SYT12: variants seen among roughly 807,000 people sequenced by gnomAD.
SYT12 encodes synaptotagmin-12.
SYT12 carries 27 observed loss-of-function variants against 39.5 expected under a neutral mutation model. That is an observed-to-expected ratio of 0.68 (90% CI 0.50 to 0.94). The LOEUF (loss-of-function observed/expected upper bound fraction) is 0.94. Ranked by LOEUF, SYT12 falls within the 40% of genes least tolerant of loss-of-function variation. The probability of loss-of-function intolerance (pLI) is 0.00; values close to 1 mark genes in which losing one functional copy is unlikely to be tolerated. For synonymous variants in SYT12, 233 were observed against 239.7 expected (o/e 0.97, Z 0.26); for missense variants, 536 against 572.6 (o/e 0.94, Z 0.65).
chr11:67,043,877 A>G, intron 5 of SYT12, 24 bp downstream of exon 5: 1 of 1,606,376 alleles, frequency 6.2e-7, no homozygotes, highest in Non-Finnish European at 8.5e-7. Flanking sequence ...CTGCTCGTCC[A>G]CCTCGGAAGA....
At chr11:67,022,575 A>G (rs1950122282), upstream of SYT12, 1 of 152,298 alleles carries the variant, frequency 6.6e-6, no homozygotes, top group African/African-American at 2.4e-5. Flanking sequence ...TATCTCCTGA[A>G]TGATTCATTC....
At chr11:67,045,627 G>A in intron 6 of SYT12, 117 bp from the exon 7 acceptor site, 1 of 1,365,140 alleles carries the variant, frequency 7.3e-7, no homozygotes, top group Non-Finnish European at 1.0e-6. Context: ...CAGGGCTGCA[G>A]GAGGTCACAG....
chr11:67,043,721 G>A lies in SYT12; in HGVS notation c.705G>A (p.Leu235=), dbSNP rs1299096917. The change falls in exon 5 of 8, where the codon CTG becomes CTA. Residue 235 remains leucine, a synonymous_variant. Coordinates refer to ENST00000527043, the MANE Select transcript of SYT12 (RefSeq NM_177963.4). ...LDPTALEEKS[L]RFSVFGIDED... ...CCACAGCCCTGGAGGAGAAGAGCCT[G>A]CGGTTTTCTGTATTTGGCATCGATG... 2 of 1,614,042 alleles carry A rather than the reference G, an allele frequency of 1.2e-6. No homozygotes were observed. Among genetic ancestry groups the A allele is most frequent in the Non-Finnish European group, 1.7e-6 (2 of 1,180,056 alleles).
intron 3 of SYT12, among the ~76,000 whole-genome samples, chr11:67,035,868 T>G (rs1252176861): frequency 7.3e-6 from 1 of 136,534 alleles, no homozygotes; most frequent in Non-Finnish European, 1.5e-5. Flanking sequence ...CTTTCTTTCT[T>G]TCTTTCTTTC....
chr11:67,040,611 G>A (rs1483568129), intron 4 of SYT12, among the ~76,000 whole-genome samples: 6 of 152,076 alleles, frequency 3.9e-5, no homozygotes, highest in South Asian at 2.1e-4. Context: ...AGGCCGAGGC[G>A]GGCAGATCAT....
chr11:67,018,088 C>T (rs1475815444), intron 3 of SYT12, among the ~76,000 whole-genome samples: 1 of 151,810 alleles, frequency 6.6e-6, no homozygotes, highest in Non-Finnish European at 1.5e-5. Context: ...ATGGTGAAAC[C>T]CCGTCTCTAC....
At chr11:67,044,775 C>T (rs779688599) in intron 6 of SYT12, 62 bp downstream of exon 6, 57 of 1,602,910 alleles carry the variant, frequency 3.6e-5, no homozygotes, top group Admixed American at 3.0e-4. Flanking sequence ...GGCCCAGCTG[C>T]TGTGCTGTGG....
upstream of SYT12, among the ~76,000 whole-genome samples, chr11:67,019,299 C>T (rs1223366284): frequency 6.6e-6 from 1 of 151,910 alleles, no homozygotes; most frequent in African/African-American, 2.4e-5. Context: ...ATGGAGAAAC[C>T]CCATCTCTAC....
chr11:67,027,196 C>T (rs1173018997), intron 1 of SYT12: 1 of 152,532 alleles, frequency 6.6e-6, no homozygotes, highest in Non-Finnish European at 1.5e-5. Flanking sequence ...TCACAGGGCA[C>T]CAGGCTGGAA....
intron 2 of SYT12, 133 bp from the exon 3 acceptor site, chr11:67,034,512 A>G (rs1950322645): frequency 1.4e-6 from 1 of 726,254 alleles, no homozygotes; most frequent in African/African-American, 1.9e-5. Context: ...CTTGTTCGAC[A>G]TGGGATCTCC....
chr11:67,034,697 G>A lies in SYT12; in HGVS notation c.87G>A (p.Leu29=). The change falls in exon 3 of 8, where the codon CTG becomes CTA. Residue 29 remains leucine (L), a synonymous_variant. Transcript: ENST00000527043. ...WEVGVYAAGA[L]ALLGIAAVSL... The stretch of plus-strand genomic sequence containing the variant: ...TGGGTGTCTATGCTGCAGGGGCCCT[G>A]GCCCTGCTGGGAATCGCAGCTGTGA... 4 of 1,603,368 alleles carry A rather than the reference G, an allele frequency of 2.5e-6. No individual in the cohort carries two copies. The highest frequency in any genetic ancestry group is 3.4e-6 in the Non-Finnish European group (4 of 1,175,862).
In SYT12 at chr11:67,045,819, A is replaced by T. The variant is rs1311428878; in HGVS notation, c.1034A>T (p.Asp345Val). Residue 345 changes from aspartate (D) to valine (V), a missense_variant, in exon 7 of 8, where the codon GAC (aspartate) becomes GTC (valine). Asp to Val is a radical substitution (Grantham distance 152). Coordinates refer to ENST00000527043, the MANE Select transcript of SYT12 (RefSeq NM_177963.4). ...SKKKTAVKRD[D>V]PNPVFNEAMI... ...AAGAAGACAGCCGTGAAGAGGGATGACCCCAACCCGGTGTTCAACGAAGCC... is the reference window on the plus strand; with the variant it reads ...AAGAAGACAGCCGTGAAGAGGGATGTCCCCAACCCGGTGTTCAACGAAGCC... The T allele has an allele frequency of 6.2e-7, 1 of 1,612,074 alleles. No homozygotes were observed. The highest frequency in any genetic ancestry group is 8.5e-7 in the Non-Finnish European group (1 of 1,179,634).
intron 1 of SYT12, chr11:67,027,533 C>T (rs909544705): frequency 6.9e-6 from 1 of 144,178 alleles, no homozygotes; most frequent in Non-Finnish European, 1.5e-5. Context: ...AAAGAAGGAA[C>T]TTCTGTCTGG....
intron 6 of SYT12, among the ~76,000 whole-genome samples, chr11:67,044,977 T>G (rs1950588283): frequency 1.4e-5 from 2 of 147,626 alleles, no homozygotes; most frequent in African/African-American, 2.5e-5. Context: ...GATGCGGGGG[T>G]CTCAGGGCAG....
At chr11:67,027,111 G>A (rs1950191544) in intron 1 of SYT12, 1 of 152,264 alleles carries the variant, frequency 6.6e-6, no homozygotes, top group African/African-American at 2.4e-5. Flanking sequence ...CCTGTGCTCA[G>A]GATGACACCC....
chr11:67,022,105 G>C (rs1950116164), upstream of SYT12, among the ~76,000 whole-genome samples: 3 of 151,782 alleles, frequency 2.0e-5, no homozygotes, highest in South Asian at 6.2e-4. Flanking sequence ...TAGTAGAGAC[G>C]GGGTTTCACC....
At chr11:67,015,126 A>C (rs749247382) in intron 3 of SYT12, among the ~76,000 whole-genome samples, 8 of 152,116 alleles carry the variant, frequency 5.3e-5, no homozygotes, top group Non-Finnish European at 8.8e-5. Context: ...CAACAATGGG[A>C]GATCCCTGCC....
chr11:67,009,999 A>C (rs955441983), exon 2 of SYT12: 2 of 152,408 alleles, frequency 1.3e-5, no homozygotes, highest in African/African-American at 4.8e-5. Context: ...GCATCGAGTA[A>C]AAGCATGGAG....
chr11:67,023,863 A>G (rs975778260), intron 1 of SYT12, among the ~76,000 whole-genome samples: 3 of 152,174 alleles, frequency 2.0e-5, no homozygotes, highest in African/African-American at 7.2e-5. Flanking sequence ...TTCCCGAGGC[A>G]GGAGCGCTGG....
Sources: gnomAD v4.1 joint callset for allele counts (sites outside exome capture counted in the v4.1 genomes callset) on GRCh38, gnomAD v4.1.1 for gene constraint, MANE v1.5 for transcripts, NCBI Gene and HGNC (gene_info 2026-07-23, HGNC 2026-07-21) for gene names.